Variants in DNAH7 observed in about 807,000 individuals in gnomAD.
The protein encoded by DNAH7 is dynein axonemal heavy chain 7.
A neutral mutation model predicts 444.6 loss-of-function variants in DNAH7; 397 were observed. That is an observed-to-expected ratio of 0.89 (90% CI 0.82 to 0.97). The LOEUF (loss-of-function observed/expected upper bound fraction) is 0.97. DNAH7 is among the 50% of genes least tolerant of loss of function. DNAH7 has a pLI of 0.00. For synonymous variants in DNAH7, 1,636 were observed against 1,624.4 expected, an observed-to-expected ratio of 1.01 and a Z score of -0.17; for missense variants, 4,902 against 4,800.8, an observed-to-expected ratio of 1.02 and a Z score of -0.62.
intron 12 of DNAH7, among the ~76,000 whole-genome samples, chr2:195,992,768 G>C (rs182115188): frequency 6.6e-6 from 1 of 152,192 alleles, no homozygotes; most frequent in Admixed American, 6.5e-5. Context: ...ATTCTTCAAC[G>C]TAACTGGTAG....
At chr2:195,965,596 G>A (rs1691418956) in intron 17 of DNAH7, among the ~76,000 whole-genome samples, 1 of 151,914 alleles carries the variant, frequency 6.6e-6, no homozygotes, top group South Asian at 2.1e-4. Flanking sequence ...TTGGGTCCTG[G>A]GTTTTTCTTT....
Position 195,984,507 on chromosome 2 carries a change from C to T in DNAH7, c.1833+125G>A. ...GGACTACAGGCGCATGCCACCACAC[C>T]CAGCTAATTGAAAGTCATTATTATT... On this transcript the variant is annotated intron_variant, in intron 15 of 64. Transcript: ENST00000312428. 3 of 946,466 alleles carry T rather than the reference C, an allele frequency of 3.2e-6. No individual in the cohort carries two copies. In the South Asian group the frequency reaches 4.9e-5, roughly 15 times the overall value. 58.6% of individuals were successfully genotyped at this position (946,466 alleles called of 1,614,324 possible).
intron 5 of DNAH7, among the ~76,000 whole-genome samples, chr2:196,039,788 CA>C (rs34592815): frequency 0.1 from 8,041 of 79,558 alleles, 233 homozygotes; most frequent in Admixed American, 0.16. Flanking sequence ...GATTCTGCCT[CA>C]AAAAAAAAAA....
chr2:195,838,584 C>T (rs1028549333), intron 47 of DNAH7, among the ~76,000 whole-genome samples: 4 of 151,776 alleles, frequency 2.6e-5, no homozygotes, highest in Non-Finnish European at 4.4e-5. Context: ...ACAGAAGAGT[C>T]AGTGAAGCTG....
intron 57 of DNAH7, among the ~76,000 whole-genome samples, chr2:195,789,405 A>G (rs928169051): frequency 1.3e-5 from 2 of 152,200 alleles, no homozygotes; most frequent in Non-Finnish European, 2.9e-5. Context: ...CCAAGTGTCG[A>G]ATGTGGAAGG....
At chr2:196,010,252 C>T (rs560399611) in intron 10 of DNAH7, among the ~76,000 whole-genome samples, 1 of 151,762 alleles carries the variant, frequency 6.6e-6, no homozygotes, top group East Asian at 1.9e-4. Context: ...CAGGTTCAAG[C>T]GATTCTTCCA....
In DNAH7 at chr2:195,906,697, C is replaced by G. The variant is rs771646124; in HGVS notation, c.4297G>C (p.Gly1433Arg). 232 of 1,613,180 alleles carry G rather than the reference C, an allele frequency of 1.4e-4. No individual in the cohort carries two copies. Among genetic ancestry groups the G allele is most frequent in the Non-Finnish European group, 1.7e-4 (195 of 1,179,520 alleles). The change falls in exon 27 of 65, where the codon GGG becomes CGG. Residue 1433 changes from glycine to arginine, a missense_variant. By Grantham distance (125) the Gly-to-Arg change is moderately radical. Transcript: ENST00000312428. ...TCAVFITMNP[G>R]YAGRSELPDN... Reference sequence around the variant, plus strand: ...GGCAGTTCTGATCGCCCAGCATACCCAGGGTTCATTGTTATAAAGACAGCA... The same window carrying G: ...GGCAGTTCTGATCGCCCAGCATACCGAGGGTTCATTGTTATAAAGACAGCA...
chr2:195,927,507 GTAAA>G (rs199996492), intron 21 of DNAH7, among the ~76,000 whole-genome samples: 36 of 151,094 alleles, frequency 2.4e-4, no homozygotes, highest in African/African-American at 4.9e-4. Context: ...AGAGAAGCAA[GTAAA>G]TAAATAAATA....
In DNAH7 at chr2:196,020,923, T is replaced by G. The variant is rs369918468; in HGVS notation, c.744-1628A>C. Among the ~76,000 whole-genome samples, 6 of 152,260 alleles carry G rather than the reference T, an allele frequency of 3.9e-5. No homozygotes were observed. The East Asian group carries it at 1.2e-3, about 29-fold the overall frequency. On this transcript the variant is annotated intron_variant, in intron 8 of 64. Coordinates refer to ENST00000312428, the MANE Select transcript of DNAH7 (RefSeq NM_018897.3). ...CACCGCACTTGGCCTTTGGGGCATT[T>G]TAAAATGATATAAAAGAAAATAAAA...
chr2:195,855,887 T>TA lies in DNAH7; in HGVS notation c.8518_8519insT (p.Glu2840ValfsTer14), dbSNP rs1699674084. 6.2e-7 allele frequency: 1 copy of TA among 1,614,090 alleles called. No individual in the cohort carries two copies. The highest frequency in any genetic ancestry group is 1.3e-5 in the African/African-American group (1 of 75,036). ...AAGCCTGGCCAGCTTGTCCTGAACT[T>TA]CCTTAAGGGCTGCCTGCTTCTTTCT... On this transcript the variant is annotated frameshift_variant, in exon 45 of 65. Coordinates refer to ENST00000312428, the MANE Select transcript of DNAH7 (RefSeq NM_018897.3). LOFTEE classifies it high-confidence loss of function.
chr2:195,796,940 G>T (rs16840019), intron 55 of DNAH7, among the ~76,000 whole-genome samples: 14,144 of 152,232 alleles, frequency 0.093, 737 homozygotes, highest in African/African-American at 0.13. Context: ...ATTCACGTAG[G>T]AAATAGTCAT....
chr2:195,990,978 T>A (rs1424169604), intron 12 of DNAH7, among the ~76,000 whole-genome samples: 1 of 146,042 alleles, frequency 6.8e-6, no homozygotes, highest in South Asian at 2.1e-4. Context: ...TACATATATA[T>A]ATATATATGC....
intron 15 of DNAH7, among the ~76,000 whole-genome samples, chr2:195,975,719 G>A (rs116823512): frequency 5.8e-4 from 89 of 152,262 alleles, no homozygotes; most frequent in African/African-American, 2.1e-3. Flanking sequence ...TTGGATACCA[G>A]CTCAGCCACA....
intron 19 of DNAH7, among the ~76,000 whole-genome samples, chr2:195,942,119 T>C (rs545081079): frequency 3.9e-5 from 6 of 152,068 alleles, no homozygotes; most frequent in African/African-American, 7.2e-5. Context: ...AGGTAGATGA[T>C]AGATGCTACA....
chr2:196,058,343 G>C (rs1003989694), intron 1 of DNAH7, among the ~76,000 whole-genome samples: 1 of 152,174 alleles, frequency 6.6e-6, no homozygotes, highest in Admixed American at 6.5e-5. Flanking sequence ...CAGGATACAA[G>C]ATCAACACAC....
intron 19 of DNAH7, among the ~76,000 whole-genome samples, chr2:195,944,323 T>C (rs1029096778): frequency 6.6e-6 from 1 of 152,140 alleles, no homozygotes; most frequent in Non-Finnish European, 1.5e-5. Flanking sequence ...AGACAGGCCA[T>C]TACAGAAGCC....
intron 22 of DNAH7, among the ~76,000 whole-genome samples, chr2:195,924,422 G>A (rs758466244): frequency 4.6e-5 from 7 of 152,028 alleles, no homozygotes; most frequent in African/African-American, 7.2e-5. Flanking sequence ...GTGAAACCCC[G>A]TCTCTACCAA....
At chr2:195,970,987 C>G (rs2125571251) in intron 16 of DNAH7, among the ~76,000 whole-genome samples, 1 of 152,178 alleles carries the variant, frequency 6.6e-6, no homozygotes, top group South Asian at 2.1e-4. Flanking sequence ...AGCAATTTTC[C>G]AAGAGCCTAT....
At chr2:195,802,619 A>C (rs897204213) in intron 54 of DNAH7, among the ~76,000 whole-genome samples, 10 of 152,116 alleles carry the variant, frequency 6.6e-5, no homozygotes, top group African/African-American at 2.2e-4. Flanking sequence ...CACTGAGAGG[A>C]GATGGTGCCA....
Sources: gnomAD v4.1 joint callset for allele counts (sites outside exome capture counted in the v4.1 genomes callset) on GRCh38, gnomAD v4.1.1 for gene constraint, MANE v1.5 for transcripts, NCBI Gene and HGNC (gene_info 2026-07-23, HGNC 2026-07-21) for gene names.